The following SCNN1G variants were observed in gnomAD, a reference collection of about 807,000 sequenced individuals.
The protein encoded by SCNN1G is epithelial sodium channel subunit gamma.
Under a neutral mutation model 64.6 loss-of-function variants are expected in SCNN1G, and 27 were observed. The ratio of observed to expected loss-of-function variants is 0.42; its 90% CI spans 0.31 to 0.58. The LOEUF is 0.58. SCNN1G is among the 20% of genes least tolerant of loss of function. The probability of loss-of-function intolerance (pLI) is 0.18; values close to 1 mark genes in which losing one functional copy is unlikely to be tolerated. For synonymous variants in SCNN1G, 330 were observed against 314.2 expected (o/e 1.05, Z -0.53); for missense variants, 743 against 823.4 (o/e 0.90, Z 1.19).
At chr16:23,205,717 A>AG (rs1959979283) in intron 6 of SCNN1G, among the ~76,000 whole-genome samples, 2 of 151,270 alleles carry the variant, frequency 1.3e-5, no homozygotes, top group Non-Finnish European at 1.5e-5. Flanking sequence ...AAAAAAAAAA[A>AG]AGTCCCTCCC....
chr16:23,213,204 C>G (rs1038732550), intron 11 of SCNN1G, 41 bp downstream of exon 11: 32 of 1,405,302 alleles, frequency 2.3e-5, no homozygotes, highest in Non-Finnish European at 3.0e-5. Context: ...CTTCCCACCA[C>G]AGCCCCCAGC....
chr16:23,207,097 A>G (rs1227015913), intron 6 of SCNN1G, among the ~76,000 whole-genome samples: 1 of 152,198 alleles, frequency 6.6e-6, no homozygotes, highest in Non-Finnish European at 1.5e-5. Context: ...TTTGATAAGC[A>G]TCGTTGCAGA....
At chr16:23,199,663 C>CTTTTTTTTTTTTT (rs67132706) in intron 6 of SCNN1G, among the ~76,000 whole-genome samples, 25 of 59,650 alleles carry the variant, frequency 4.2e-4, no homozygotes, top group East Asian at 1.4e-3. Context: ...CTTTTCTTTT[C>CTTTTTTTTTTTTT]TTTTTTTTTT....
intron 11 of SCNN1G, 120 bp from the exon 12 acceptor site, chr16:23,214,592 C>G (rs1960130138): frequency 1.3e-6 from 1 of 778,926 alleles, no homozygotes; most frequent in African/African-American, 1.7e-5. Flanking sequence ...TTCTAATATC[C>G]CCAAGGAGCT....
intron 3 of SCNN1G, among the ~76,000 whole-genome samples, chr16:23,190,842 T>C (rs959055558): frequency 1.5e-5 from 2 of 132,518 alleles, no homozygotes; most frequent in Admixed American, 7.7e-5. Flanking sequence ...TTTTTTTTTT[T>C]TTTTTTTTTT....
chr16:23,209,914 C>A, intron 7 of SCNN1G, 66 bp downstream of exon 7: 5 of 1,182,794 alleles, frequency 4.2e-6, no homozygotes, highest in South Asian at 1.2e-5. Flanking sequence ...AAAGTTATAT[C>A]TAAGCTGGGG....
rs56318076 is a variant in SCNN1G at position 23,193,069 on chromosome 16, CAAAAAAAAAAAAAAAAA to C, written c.809+539_809+555del. The stretch of plus-strand genomic sequence containing the variant: ...GGGCTGCAGAGTGAGACTCTTGTCT[CAAAAAAAAAAAAAAAAA>C]AAAAAAAAAAACCCAACCCACAAGG... On this transcript the variant is annotated intron_variant, in intron 4 of 12. Transcript: ENST00000300061. 1.6e-4 allele frequency among the ~76,000 whole-genome samples: 11 copies of C among 69,120 alleles called. 2 individuals carry two copies. Among genetic ancestry groups the C allele is most frequent in the African/African-American group, 8.0e-4 (11 of 13,760 alleles). 45.3% of individuals were successfully genotyped at this position (69,120 alleles called of 152,430 possible).
rs1959676518 is a variant in SCNN1G, at chr16:23,189,791, G to T, written c.618+120G>T. 1.3e-5 allele frequency: 13 copies of T among 989,786 alleles called. No individual in the cohort carries two copies. The East Asian group carries it at 2.9e-4, about 22-fold the overall frequency. 61.3% of individuals were successfully genotyped at this position (989,786 alleles called of 1,614,324 possible). ...ACTGGAAGAAATACACCCAGCTGGG[G>T]TCAGACACAGTGACTCATGCTTGTA... On this transcript the variant is annotated intron_variant, in intron 3 of 12. Transcript: ENST00000300061.
intron 6 of SCNN1G, among the ~76,000 whole-genome samples, chr16:23,198,257 G>A (rs137897658): frequency 7.7e-4 from 117 of 152,276 alleles, no homozygotes; most frequent in Non-Finnish European, 1.1e-3. Flanking sequence ...CAAGTAAGCC[G>A]CAGACTCCAA....
chr16:23,214,831 A>G (rs750025381), intron 12 of SCNN1G, 44 bp downstream of exon 12: 1 of 1,484,172 alleles, frequency 6.7e-7, no homozygotes, highest in Non-Finnish European at 9.4e-7. Context: ...TGGGCCTACA[A>G]ATGTGAGCAT....
rs1960152507 is a variant in SCNN1G, at chr16:23,215,838, AG to A, written c.*372del. On this transcript the variant is annotated 3_prime_UTR_variant, in exon 13 of 13. Transcript: ENST00000300061. The stretch of plus-strand genomic sequence containing the variant: ...GGACTCTTCCAAAGCCCCAAAGCCG[AG>A]GGTTTCACCCACACTGCCAGCCTGG... 1 of 325,398 alleles carries A rather than the reference AG, an allele frequency of 3.1e-6. No individual in the cohort carries two copies. The allele number at this position is 325,398 out of a possible 1,614,324, so 20.2% of individuals were successfully genotyped here.
chr16:23,212,477 T>A (rs1044484653), intron 8 of SCNN1G, among the ~76,000 whole-genome samples: 1 of 152,076 alleles, frequency 6.6e-6, no homozygotes, highest in African/African-American at 2.4e-5. Context: ...AAGGGTGGTC[T>A]GACCTTCAAC....
At chr16:23,205,414 A>T (rs913726407) in intron 6 of SCNN1G, among the ~76,000 whole-genome samples, 1 of 151,988 alleles carries the variant, frequency 6.6e-6, no homozygotes, top group African/African-American at 2.4e-5. Flanking sequence ...CTCCTCAATA[A>T]TGAGTCCAAG....
At chr16:23,184,089 T>A (rs1007915490) in intron 1 of SCNN1G, among the ~76,000 whole-genome samples, 2 of 152,240 alleles carry the variant, frequency 1.3e-5, no homozygotes, top group Non-Finnish European at 2.9e-5. Context: ...TCAGGCTGCA[T>A]AATCTAATGG....
chr16:23,185,041 T>C (rs1332491568), intron 1 of SCNN1G, among the ~76,000 whole-genome samples: 4 of 152,218 alleles, frequency 2.6e-5, no homozygotes, highest in Non-Finnish European at 5.9e-5. Context: ...GTTCTTGGTA[T>C]TGTTAATTAA....
intron 7 of SCNN1G, among the ~76,000 whole-genome samples, chr16:23,211,530 C>T (rs747845613): frequency 3.9e-5 from 6 of 152,152 alleles, no homozygotes; most frequent in South Asian, 4.2e-4. Flanking sequence ...CTTAATACAT[C>T]GGCCAGGTGT....
rs531318171 is a variant in SCNN1G at position 23,212,633 on chromosome 16, T to C, written c.1295-45T>C. 4.1e-5 allele frequency: 61 copies of C among 1,489,434 alleles called. 1 individual carries two copies. The South Asian group carries it at 6.7e-4, about 16-fold the overall frequency. The allele number at this position is 1,489,434 out of a possible 1,614,324, so 92.3% of individuals were successfully genotyped here. A position where few individuals can be genotyped will look rare whatever the true frequency, so the allele number is the denominator to read the frequency against. On this transcript the variant is annotated intron_variant, in intron 8 of 12. Transcript: ENST00000300061. ...GTGACCTGGGGATGGCCAGGAAGGGTCCTGTGGCTCCAAAGCTCATGCTGC... is the reference window on the plus strand; with the variant it reads ...GTGACCTGGGGATGGCCAGGAAGGGCCCTGTGGCTCCAAAGCTCATGCTGC...
chr16:23,205,703 GA>G (rs150778285), intron 6 of SCNN1G, among the ~76,000 whole-genome samples: 50,790 of 137,050 alleles, frequency 0.37, 9,348 homozygotes, highest in East Asian at 0.72. Context: ...CCATCTCCAA[GA>G]AAAAAAAAAA....
At chr16:23,200,897 T>A (rs59653972) in intron 6 of SCNN1G, among the ~76,000 whole-genome samples, 8,745 of 152,146 alleles carry the variant, frequency 0.057, 868 homozygotes, top group African/African-American at 0.2. Flanking sequence ...TGGTGCCCCA[T>A]GAAAAGGACA....
Sources: allele counts gnomAD v4.1 joint callset (sites outside exome capture counted in the v4.1 genomes callset), GRCh38; gene constraint gnomAD v4.1.1; transcripts MANE v1.5; gene names NCBI Gene and HGNC (gene_info 2026-07-23, HGNC 2026-07-21).